ZNF280C: variants seen among roughly 807,000 people sequenced by gnomAD.
The protein encoded by ZNF280C is suppressor of hairy wing homolog 3.
A neutral mutation model predicts 53.6 loss-of-function variants in ZNF280C; 14 were observed. That is an observed-to-expected ratio of 0.26 (90% CI 0.17 to 0.41). The LOEUF is 0.41. ZNF280C is among the 10% of genes least tolerant of loss of function. The pLI, the probability that ZNF280C is intolerant of heterozygous loss-of-function variation, is 1.00. For missense variants in ZNF280C, 416 were observed against 547.1 expected, an observed-to-expected ratio of 0.76 and a Z score of 2.39; for synonymous variants, 203 against 181.1, an observed-to-expected ratio of 1.12 and a Z score of -0.97.
intron 2 of ZNF280C, among the ~76,000 whole-genome samples, chrX:130,250,970 G>C (rs2032501244): frequency 9.1e-6 from 1 of 109,933 alleles, no homozygotes; most frequent in African/African-American, 3.3e-5. Context: ...GATGGTGAAA[G>C]CCTGTAATTC....
intron 12 of ZNF280C, among the ~76,000 whole-genome samples, chrX:130,222,372 T>C (rs766174008): frequency 3.3e-4 from 35 of 107,254 alleles, no homozygotes; most frequent in Non-Finnish European, 6.3e-4. Flanking sequence ...AGTACAAACC[T>C]TGCTTTGCTT....
At chrX:130,208,916 G>A (rs780332235) in intron 16 of ZNF280C, among the ~76,000 whole-genome samples, 195 of 110,397 alleles carry the variant, frequency 1.8e-3, no homozygotes, top group African/African-American at 6.1e-3. Context: ...GGCTGATCTC[G>A]AACTCCTGAC....
At chrX:130,245,816 T>G (rs913703695) in intron 3 of ZNF280C, among the ~76,000 whole-genome samples, 1 of 110,347 alleles carries the variant, frequency 9.1e-6, no homozygotes, top group East Asian at 2.8e-4. Flanking sequence ...GATATAGTCT[T>G]GCTCTGTTGC....
At chrX:130,245,068 T>C (rs945425057) in intron 3 of ZNF280C, among the ~76,000 whole-genome samples, 2 of 111,861 alleles carry the variant, frequency 1.8e-5, no homozygotes, top group African/African-American at 6.5e-5. Context: ...CCTGCCTTCA[T>C]TGTTTTTCTA....
chrX:130,210,065 A>G (rs980045658), intron 15 of ZNF280C, among the ~76,000 whole-genome samples: 6 of 111,456 alleles, frequency 5.4e-5, no homozygotes, highest in Non-Finnish European at 1.1e-4. Context: ...GGTGCTGTCT[A>G]TGAGGAATGG....
intron 16 of ZNF280C, among the ~76,000 whole-genome samples, chrX:130,206,753 T>C (rs987912279): frequency 8.9e-6 from 1 of 112,128 alleles, no homozygotes; most frequent in Non-Finnish European, 1.9e-5. Flanking sequence ...ACTGGAATCA[T>C]GTGCTTTCCC....
At chrX:130,221,701 A>C (rs752106500) in intron 12 of ZNF280C, among the ~76,000 whole-genome samples, 1 of 111,582 alleles carries the variant, frequency 9.0e-6, no homozygotes. Flanking sequence ...AAAAATTTAT[A>C]ATCTTTCAAT....
intron 12 of ZNF280C, among the ~76,000 whole-genome samples, chrX:130,223,842 T>C (rs1253420105): frequency 3.6e-5 from 4 of 112,431 alleles, no homozygotes; most frequent in African/African-American, 1.3e-4. Context: ...CAATAATTCT[T>C]ATTACATAAA....
chrX:130,225,044 T>A (rs994884829), intron 12 of ZNF280C, among the ~76,000 whole-genome samples: 2 of 111,503 alleles, frequency 1.8e-5, no homozygotes, highest in Non-Finnish European at 3.8e-5. Flanking sequence ...CTCTTTCCAA[T>A]ACATACAGCA....
At chrX:130,220,577 C>G (rs1271082305) in intron 12 of ZNF280C, 97 bp from the exon 13 acceptor site, 1 of 825,219 alleles carries the variant, frequency 1.2e-6, no homozygotes, top group Non-Finnish European at 1.6e-6. Flanking sequence ...AATTTACAAC[C>G]AGAATTTTAC....
intron 15 of ZNF280C, among the ~76,000 whole-genome samples, chrX:130,212,381 T>C (rs1413092941): frequency 9.0e-6 from 1 of 110,504 alleles, no homozygotes; most frequent in South Asian, 3.8e-4. Flanking sequence ...ACAAGAACAG[T>C]TGAAGGGAGA....
At chrX:130,224,782 C>T (rs2032203196) in intron 12 of ZNF280C, among the ~76,000 whole-genome samples, 1 of 111,388 alleles carries the variant, frequency 9.0e-6, no homozygotes, top group Admixed American at 9.6e-5. Flanking sequence ...AGGTAAGCCA[C>T]CAAATTTTCA....
At chrX:130,216,830 T>C (rs186704507) in intron 13 of ZNF280C, among the ~76,000 whole-genome samples, 131 of 110,633 alleles carry the variant, frequency 1.2e-3, no homozygotes, top group African/African-American at 3.8e-3. Context: ...GAAACTCCAT[T>C]TCTTTTAAAA....
rs2032719687 is a variant in ZNF280C, at chrX:130,268,843, A to G, written c.-98T>C. The G allele has an allele frequency of 9.0e-6, 1 of 110,650 alleles. No homozygotes were observed. The highest frequency in any genetic ancestry group is 9.5e-5 in the Admixed American group (1 of 10,556). The allele number at this position is 110,650 out of a possible 1,213,427, so 9.1% of individuals were successfully genotyped here. ...AGGAGGAAAGGGAGGAGCGCGAAAA[A>G]CCTCAGGCGACAGCCTCAGCAACAG... On this transcript the variant is annotated 5_prime_UTR_variant, in exon 1 of 19. Coordinates refer to ENST00000370978, the MANE Select transcript of ZNF280C (RefSeq NM_017666.5).
chrX:130,237,495 T>C (rs1339335647), intron 6 of ZNF280C, among the ~76,000 whole-genome samples: 2 of 111,658 alleles, frequency 1.8e-5, no homozygotes, highest in Non-Finnish European at 3.8e-5. Flanking sequence ...ATTCAGGGCA[T>C]TCCCAAGACA....
intron 15 of ZNF280C, among the ~76,000 whole-genome samples, chrX:130,211,242 G>A (rs1385320203): frequency 2.7e-5 from 3 of 112,426 alleles, no homozygotes; most frequent in African/African-American, 9.7e-5. Context: ...AGAATGTTAC[G>A]GAACTCAAAG....
At chrX:130,265,101 T>G (rs1201698300) in intron 1 of ZNF280C, among the ~76,000 whole-genome samples, 2 of 112,003 alleles carry the variant, frequency 1.8e-5, no homozygotes, top group African/African-American at 3.2e-5. Flanking sequence ...CCTGAACACA[T>G]GAAGTCCAGG....
intron 9 of ZNF280C, 112 bp from the exon 10 acceptor site, chrX:130,229,246 A>G: frequency 1.3e-6 from 1 of 760,750 alleles, no homozygotes. Context: ...GACTCAAAAT[A>G]ACATCTCCAA....
chrX:130,260,339 C>T, intron 2 of ZNF280C, 80 bp downstream of exon 2: 1 of 784,926 alleles, frequency 1.3e-6, no homozygotes, highest in Non-Finnish European at 1.8e-6. Flanking sequence ...GTGCCCACTT[C>T]TGTCTCTAAT....
Sources: allele counts gnomAD v4.1 joint callset (sites outside exome capture counted in the v4.1 genomes callset), GRCh38; gene constraint gnomAD v4.1.1; transcripts MANE v1.5; gene names NCBI Gene and HGNC (gene_info 2026-07-23, HGNC 2026-07-21).